Variants in NCF2 observed in about 807,000 individuals in gnomAD.
NCF2 encodes neutrophil cytosolic factor 2, also known as neutrophil cytosol factor 2.
NCF2 carries 45 observed loss-of-function variants against 70.9 expected under a neutral mutation model. That is an observed-to-expected ratio of 0.63 (90% CI 0.50 to 0.81). NCF2 has a LOEUF of 0.81. NCF2 is among the 40% of genes least tolerant of loss of function. The pLI, the probability that NCF2 is intolerant of heterozygous loss-of-function variation, is 0.00. For missense variants in NCF2, 522 were observed against 631.6 expected, an observed-to-expected ratio of 0.83 and a Z score of 1.86; for synonymous variants, 203 against 233.6, an observed-to-expected ratio of 0.87 and a Z score of 1.19.
intron 13 of NCF2, among the ~76,000 whole-genome samples, chr1:183,562,551 C>G (rs1672111458): frequency 6.6e-6 from 1 of 152,098 alleles, no homozygotes; most frequent in African/African-American, 2.4e-5. Flanking sequence ...CATTCTCTTT[C>G]ACTCTTCTTC....
chr1:183,560,061 T>G (rs773771211), intron 14 of NCF2, 35 bp downstream of exon 14: 2 of 1,602,542 alleles, frequency 1.2e-6, no homozygotes, highest in Non-Finnish European at 1.7e-6. Context: ...TGCTAACATG[T>G]AAATTTGTTT....
At chr1:183,573,454 C>G (rs2102903574) in intron 4 of NCF2, among the ~76,000 whole-genome samples, 162 bp from the exon 5 acceptor site, 1 of 152,236 alleles carries the variant, frequency 6.6e-6, no homozygotes, top group Non-Finnish European at 1.5e-5. Flanking sequence ...AGGTAGGAAC[C>G]CTTGGTTTCA....
chr1:183,556,921 T>C (rs183958779), intron 14 of NCF2, among the ~76,000 whole-genome samples: 30 of 152,280 alleles, frequency 2.0e-4, no homozygotes, highest in African/African-American at 6.7e-4. Context: ...GTTAAATATA[T>C]TAAAAATGAA....
chr1:183,574,679 G>T, intron 3 of NCF2, 58 bp from the exon 4 acceptor site: 3 of 1,597,460 alleles, frequency 1.9e-6, no homozygotes, highest in East Asian at 4.5e-5. Flanking sequence ...AAGGTGCCAG[G>T]GAAAGGCTCA....
chr1:183,581,451 T>C (rs1172888725), intron 2 of NCF2, among the ~76,000 whole-genome samples: 1 of 151,418 alleles, frequency 6.6e-6, no homozygotes, highest in East Asian at 2.0e-4. Context: ...CTGGACAATA[T>C]AGTGAGACCC....
At chr1:183,586,868 C>G (rs1045393455) in intron 2 of NCF2, 27 bp downstream of exon 2, 14 of 1,602,724 alleles carry the variant, frequency 8.7e-6, no homozygotes, top group Non-Finnish European at 1.2e-5. Context: ...TGAAATCCTC[C>G]AGTTGGTGCA....
chr1:183,577,824 G>T, intron 2 of NCF2, 117 bp from the exon 3 acceptor site: 1 of 787,354 alleles, frequency 1.3e-6, no homozygotes, highest in Non-Finnish European at 2.2e-6. Context: ...AAGCCTTTCA[G>T]TTCCTTTTGA....
intron 1 of NCF2, among the ~76,000 whole-genome samples, chr1:183,589,255 T>A (rs1265865490): frequency 6.6e-6 from 1 of 152,154 alleles, no homozygotes; most frequent in East Asian, 1.9e-4. Context: ...CTGGCAGTAA[T>A]CGGTAAAAAT....
At chr1:183,560,531 G>T (rs907686764) in intron 13 of NCF2, among the ~76,000 whole-genome samples, 1 of 152,166 alleles carries the variant, frequency 6.6e-6, no homozygotes, top group Non-Finnish European at 1.5e-5. Flanking sequence ...TGGTGGGTTG[G>T]GGGGTGGTTT....
At chr1:183,598,857 T>C in the NCF2 span, among the ~76,000 whole-genome samples, 2 of 152,340 alleles carry the variant, frequency 1.3e-5, no homozygotes, top group East Asian at 3.9e-4. Context: ...AATTTGTAAG[T>C]GTGATCCCTA....
chr1:183,566,873 T>G, intron 9 of NCF2, 47 bp downstream of exon 9: 1 of 1,607,552 alleles, frequency 6.2e-7, no homozygotes, highest in Non-Finnish European at 8.5e-7. Context: ...CAGGGAGAGA[T>G]CCCTAAAGGG....
At chr1:183,556,548 A>G (rs1428337294) in intron 14 of NCF2, among the ~76,000 whole-genome samples, 1 of 152,094 alleles carries the variant, frequency 6.6e-6, no homozygotes, top group Non-Finnish European at 1.5e-5. Flanking sequence ...CCCCACCCCC[A>G]ACCTTGACAG....
chr1:183,582,536 C>T (rs1673163816), intron 2 of NCF2, among the ~76,000 whole-genome samples: 1 of 152,216 alleles, frequency 6.6e-6, no homozygotes, highest in African/African-American at 2.4e-5. Context: ...CCCATGCTGC[C>T]AGTGCCCCAT....
chr1:183,581,346 T>G (rs376657753), intron 2 of NCF2, among the ~76,000 whole-genome samples: 3 of 134,532 alleles, frequency 2.2e-5, no homozygotes, highest in South Asian at 2.5e-4. Flanking sequence ...AAAAACAGGG[T>G]GGGGCCAGGG....
At chr1:183,571,118 T>C (rs1020144600) in intron 5 of NCF2, among the ~76,000 whole-genome samples, 3 of 145,736 alleles carry the variant, frequency 2.1e-5, no homozygotes, top group Non-Finnish European at 3.0e-5. Flanking sequence ...AATTATCTTT[T>C]TTTTTTTTTT....
At chr1:183,594,220 A>G (rs1673733205), upstream of NCF2, among the ~76,000 whole-genome samples, 1 of 151,312 alleles carries the variant, frequency 6.6e-6, no homozygotes, top group Admixed American at 6.6e-5. Flanking sequence ...AGCCTGGGCA[A>G]TGAAGCCAGA....
intron 3 of NCF2, 73 bp downstream of exon 3, chr1:183,577,526 T>C: frequency 1.7e-6 from 2 of 1,208,344 alleles, no homozygotes; most frequent in South Asian, 1.2e-5. Flanking sequence ...AACAGATCAC[T>C]GTGCATCTGA....
upstream of NCF2, chr1:183,590,765 C>A: frequency 4.0e-6 from 1 of 252,570 alleles, no homozygotes; most frequent in African/African-American, 2.2e-5. Context: ...CAGGTAGAGG[C>A]ACCTCCCTGG....
At position 183,565,695 on chromosome 1, in the gene NCF2, A is replaced by G; in HGVS notation, c.1000+9T>C. The G allele has an allele frequency of 6.2e-7, 1 of 1,612,058 alleles. No individual in the cohort carries two copies. Among genetic ancestry groups the G allele is most frequent in the Non-Finnish European group, 8.5e-7 (1 of 1,179,750 alleles). On this transcript the variant is annotated intron_variant, in intron 10 of 14. Coordinates refer to ENST00000367535, the MANE Select transcript of NCF2 (RefSeq NM_000433.4). Reference sequence around the variant, plus strand: ...CCCAGACCTAGGCTGTGGCTCCAGGACCACTCACCTGGTGACAGCTGGGGT... The same window carrying G: ...CCCAGACCTAGGCTGTGGCTCCAGGGCCACTCACCTGGTGACAGCTGGGGT...
Sources: gnomAD v4.1 joint callset for allele counts (sites outside exome capture counted in the v4.1 genomes callset) on GRCh38, gnomAD v4.1.1 for gene constraint, MANE v1.5 for transcripts, NCBI Gene and HGNC (gene_info 2026-07-23, HGNC 2026-07-21) for gene names.